Variants in MTRFR observed in about 807,000 individuals in gnomAD.
MTRFR encodes probable peptide chain release factor C12orf65, mitochondrial.
MTRFR carries 10 observed loss-of-function variants against 11.9 expected under a neutral mutation model. The observed-to-expected ratio is 0.84, with a 90% CI of 0.52 to 1.42. MTRFR has a LOEUF of 1.42. Ranked by LOEUF, MTRFR falls within the 40% of genes most tolerant of loss-of-function variation. The pLI is 0.00. For synonymous variants in MTRFR, 77 were observed against 79.1 expected, an observed-to-expected ratio of 0.97 and a Z score of 0.14; for missense variants, 196 against 197.9, an observed-to-expected ratio of 0.99 and a Z score of 0.06.
At chr12:123,248,070 T>A (rs936007248) in intron 1 of MTRFR, among the ~76,000 whole-genome samples, 3 of 152,240 alleles carry the variant, frequency 2.0e-5, no homozygotes, top group African/African-American at 7.2e-5. Flanking sequence ...CCTGTGTGAT[T>A]TATGCTTTAA....
Position 123,245,171 on chromosome 12 carries a change from C to T in MTRFR, c.-28-8476C>T, listed in dbSNP as rs191745409. 1.0e-3 allele frequency among the ~76,000 whole-genome samples: 151 copies of T among 150,434 alleles called. 2 individuals carry two copies. The East Asian group carries it at 0.029, about 29-fold the overall frequency. On this transcript the variant is annotated intron_variant, in intron 1 of 2. Coordinates refer to ENST00000253233, the MANE Select transcript of MTRFR (RefSeq NM_152269.5). The stretch of plus-strand genomic sequence containing the variant: ...CACCATGGTCTCGATCTCCTGACCT[C>T]GTGATCCACCCTCCTCGGCCTCCCA...
In MTRFR at chr12:123,256,838, A is replaced by G; in HGVS notation, c.308A>G (p.Gln103Arg). The G allele has an allele frequency of 6.2e-7, 1 of 1,613,476 alleles. No individual in the cohort carries two copies. Among genetic ancestry groups the G allele is most frequent in the Non-Finnish European group, 8.5e-7 (1 of 1,179,382 alleles). The stretch of plus-strand genomic sequence containing the variant: ...TGCCATCAGACAAGATCAGTTGATC[A>G]GAACAGAAAGCTAGCTCGGAAAATC... ...VKCHQTRSVDQNRKLARKILQ... is the reference protein window; with the variant it reads ...VKCHQTRSVDRNRKLARKILQ... The change falls in exon 3 of 3, where the codon CAG becomes CGG. Residue 103 changes from glutamine (Q) to arginine (R), a missense_variant. Gln to Arg is a conservative substitution (Grantham distance 43, BLOSUM62 1). Transcript: ENST00000253233.
At chr12:123,241,740 A>T (rs1357270923) in intron 1 of MTRFR, among the ~76,000 whole-genome samples, 1 of 152,204 alleles carries the variant, frequency 6.6e-6, no homozygotes, top group Non-Finnish European at 1.5e-5. Flanking sequence ...AGTAGCTGGG[A>T]CTGTAGGCTA....
rs771731189 is a variant in MTRFR at position 123,256,832 on chromosome 12, T to C, written c.302T>C (p.Val101Ala). Residue 101 changes from valine (V) to alanine (A), a missense_variant, in exon 3 of 3, where the codon GTT (valine) becomes GCT (alanine). Physicochemically the swap from Val to Ala is moderately conservative, Grantham distance 64. Transcript: ENST00000253233. The stretch of plus-strand genomic sequence containing the variant: ...TTACAGTGCCATCAGACAAGATCAG[T>C]TGATCAGAACAGAAAGCTAGCTCGG... ...IVVKCHQTRS[V>A]DQNRKLARKI... is the part of the protein sequence containing the mutation. 4 of 1,613,118 alleles carry C rather than the reference T, an allele frequency of 2.5e-6. No homozygotes were observed. Among genetic ancestry groups the C allele is most frequent in the Admixed American group, 3.3e-5 (2 of 60,000 alleles).
chr12:123,242,184 G>A (rs147751123), intron 1 of MTRFR, among the ~76,000 whole-genome samples: 1 of 152,184 alleles, frequency 6.6e-6, no homozygotes, highest in East Asian at 1.9e-4. Flanking sequence ...CTGAAGCAAT[G>A]ACAGGAGCTT....
chr12:123,244,387 G>A (rs1017308347), intron 1 of MTRFR, among the ~76,000 whole-genome samples: 1 of 152,064 alleles, frequency 6.6e-6, no homozygotes, highest in Non-Finnish European at 1.5e-5. Flanking sequence ...AGCCAAGATC[G>A]CGCCATCGCA....
intron 1 of MTRFR, among the ~76,000 whole-genome samples, chr12:123,247,347 T>C (rs1403010349): frequency 1.3e-5 from 2 of 152,202 alleles, no homozygotes; most frequent in African/African-American, 4.8e-5. Context: ...GTTAGGTTCA[T>C]ATATGTTTAG....
At chr12:123,247,465 T>C (rs1469560560) in intron 1 of MTRFR, among the ~76,000 whole-genome samples, 2 of 152,344 alleles carry the variant, frequency 1.3e-5, no homozygotes, top group African/African-American at 4.8e-5. Flanking sequence ...CAAGAATAGC[T>C]ACCCCTGCTT....
intron 2 of MTRFR, among the ~76,000 whole-genome samples, chr12:123,255,711 G>A (rs1275967617): frequency 5.3e-5 from 8 of 152,030 alleles, no homozygotes; most frequent in African/African-American, 9.7e-5. Flanking sequence ...TGCAACGTCC[G>A]CCTCCTGGGT....
At chr12:123,233,220 C>T (rs2047751607), upstream of MTRFR, 1 of 152,266 alleles carries the variant, frequency 6.6e-6, no homozygotes, top group Non-Finnish European at 1.5e-5. Context: ...GCGCGCGCGT[C>T]CACCTCGCCG....
chr12:123,251,028 G>A (rs1240435180), intron 1 of MTRFR: 4 of 152,290 alleles, frequency 2.6e-5, no homozygotes, highest in African/African-American at 9.7e-5. Context: ...TGTAGGGAAT[G>A]TGGGTGAGAT....
chr12:123,244,505 A>G (rs1379429877), intron 1 of MTRFR, among the ~76,000 whole-genome samples: 1 of 152,228 alleles, frequency 6.6e-6, no homozygotes, highest in African/African-American at 2.4e-5. Flanking sequence ...GTAATCTTCA[A>G]TAAAGATGCT....
In MTRFR at chr12:123,250,068, ATATTTTCT is replaced by A. The variant is rs1442892042; in HGVS notation, c.-28-3574_-28-3567del. 5.3e-5 allele frequency: 8 copies of A among 152,268 alleles called. No individual in the cohort carries two copies. In the East Asian group the frequency reaches 1.5e-3, roughly 29 times the overall value. 9.4% of individuals were successfully genotyped at this position (152,268 alleles called of 1,614,324 possible). A position where few individuals can be genotyped will look rare whatever the true frequency, so the allele number is the denominator to read the frequency against. Reference sequence around the variant, plus strand: ...CCCAGACTTCTTGGAGGCTTTGTTCATATTTTCTTATTCTTTTTTGTCTTTGTTGGATT... The same window carrying A: ...CCCAGACTTCTTGGAGGCTTTGTTCATATTCTTTTTTGTCTTTGTTGGATT... On this transcript the variant is annotated intron_variant, in intron 1 of 2. Coordinates refer to ENST00000253233, the MANE Select transcript of MTRFR (RefSeq NM_152269.5).
intron 1 of MTRFR, chr12:123,250,498 G>A (rs527530877): frequency 1.3e-5 from 2 of 152,284 alleles, no homozygotes; most frequent in African/African-American, 4.8e-5. Context: ...TCTGTCAGAG[G>A]GAAGGTCTAG....
intron 1 of MTRFR, chr12:123,248,561 CTGG>C (rs2048072228): frequency 6.6e-6 from 1 of 152,614 alleles, no homozygotes; most frequent in African/African-American, 2.4e-5. Flanking sequence ...TTTCTTCCTT[CTGG>C]TGGGTTTGTG....
At position 123,244,511 on chromosome 12, in the gene MTRFR, A is replaced by G. The variant is rs189108290; in HGVS notation, c.-28-9136A>G. On this transcript the variant is annotated intron_variant, in intron 1 of 2. Transcript: ENST00000253233. ...ATCTACTAAGTAATCTTCAATAAAG[A>G]TGCTCTAACCAAGTGGTACTTTTGC... Among the ~76,000 whole-genome samples the G allele has an allele frequency of 5.3e-5, 8 of 152,356 alleles. No homozygotes were observed. In the East Asian group the frequency reaches 1.3e-3, roughly 26 times the overall value.
At chr12:123,253,203 G>A (rs146475109) in intron 1 of MTRFR, among the ~76,000 whole-genome samples, 3,113 of 141,218 alleles carry the variant, frequency 0.022, 126 homozygotes, top group African/African-American at 0.076. Flanking sequence ...CACCAAGCCC[G>A]GCTAATTTTT....
rs1335199235 is a variant in MTRFR at position 123,253,940 on chromosome 12, C to A, written c.266C>A (p.Ser89Ter). ...SNCVVLKHIP[S>*]GIVVKCHQTR... ...TGCGTGGTGCTGAAGCACATCCCCTCAGGCATCGTTGTAAAGGTAGATCAC... is the reference window on the plus strand; with the variant it reads ...TGCGTGGTGCTGAAGCACATCCCCTAAGGCATCGTTGTAAAGGTAGATCAC... Residue 89 changes from serine to a stop codon, truncating the protein, a stop_gained, in exon 2 of 3, where the codon TCA becomes TAA. Coordinates refer to ENST00000253233, the MANE Select transcript of MTRFR (RefSeq NM_152269.5). LOFTEE classifies it high-confidence loss of function. 13 of 1,614,102 alleles carry A rather than the reference C, an allele frequency of 8.1e-6. No homozygotes were observed. Among genetic ancestry groups the A allele is most frequent in the Non-Finnish European group, 1.0e-5 (12 of 1,180,054 alleles).
chr12:123,249,732 C>CGGGCTGAA, intron 1 of MTRFR: 1 of 152,576 alleles, frequency 6.6e-6, no homozygotes, highest in East Asian at 1.9e-4. Context: ...AGTGCAGCGG[C>CGGGCTGAA]GGGCTGAAGG....
Sources: allele counts gnomAD v4.1 joint callset (sites outside exome capture counted in the v4.1 genomes callset), GRCh38; gene constraint gnomAD v4.1.1; transcripts MANE v1.5; gene names NCBI Gene and HGNC (gene_info 2026-07-23, HGNC 2026-07-21).